TMPRSS6: variants seen among roughly 807,000 people sequenced by gnomAD.
The protein encoded by TMPRSS6 is transmembrane protease serine 6.
In TMPRSS6, 67 loss-of-function variants were observed where a neutral mutation model predicts 101.5. The observed-to-expected ratio is 0.66, with a 90% CI of 0.54 to 0.81. The LOEUF is 0.81. TMPRSS6 is among the 30% of genes least tolerant of loss of function. TMPRSS6 has a pLI of 0.00. For synonymous variants in TMPRSS6, 453 were observed against 464.9 expected (o/e 0.97, Z 0.33); for missense variants, 1,034 against 1,088.7 (o/e 0.95, Z 0.71).
intron 10 of TMPRSS6, among the ~76,000 whole-genome samples, chr22:37,079,507 G>A (rs146345308): frequency 2.0e-5 from 3 of 152,286 alleles, no homozygotes; most frequent in South Asian, 2.1e-4. Flanking sequence ...GCACACCCCC[G>A]TGCCCTTACC....
At chr22:37,071,981 GATGGATGGATGATGGATGGGTGC>G (rs1926968832) in intron 13 of TMPRSS6, among the ~76,000 whole-genome samples, 5 of 150,972 alleles carry the variant, frequency 3.3e-5, no homozygotes, top group Admixed American at 3.3e-4. Flanking sequence ...TGGATGGATG[GATGGATGGATGATGGATGGGTGC>G]ATGGATGGAT....
chr22:37,079,296 T>C (rs1274978365), intron 10 of TMPRSS6, among the ~76,000 whole-genome samples: 1 of 152,234 alleles, frequency 6.6e-6, no homozygotes, highest in Non-Finnish European at 1.5e-5. Flanking sequence ...GGCACATTTT[T>C]GCACCGTGTG....
At chr22:37,094,527 CAG>C (rs1248473016) in intron 6 of TMPRSS6, among the ~76,000 whole-genome samples, 2 of 113,014 alleles carry the variant, frequency 1.8e-5, no homozygotes, top group East Asian at 4.4e-4. Flanking sequence ...GACAAGCAGA[CAG>C]ATATCAACAG....
chr22:37,108,646 A>T (rs115306234), intron 1 of TMPRSS6, among the ~76,000 whole-genome samples: 2,213 of 152,230 alleles, frequency 0.015, 36 homozygotes, highest in African/African-American at 0.045. Context: ...AACTCCTACC[A>T]TGTGCCAGCC....
At position 37,100,218 on chromosome 22, in the gene TMPRSS6, C is replaced by T. The variant is rs191005943; in HGVS notation, c.203-1669G>A. ...CTGACCTCAGGTGATCCATCTGCCT[C>T]GGCCTCCCAAAGTGCTGGGATTACG... On this transcript the variant is annotated intron_variant, in intron 2 of 17. Coordinates refer to ENST00000676104, the MANE Select transcript of TMPRSS6 (RefSeq NM_001374504.1). Among the ~76,000 whole-genome samples the T allele has an allele frequency of 3.9e-5, 6 of 152,392 alleles. No individual in the cohort carries two copies. In the East Asian group the frequency reaches 9.6e-4, roughly 24 times the overall value.
chr22:37,107,270 C>T (rs546176745), intron 1 of TMPRSS6, among the ~76,000 whole-genome samples: 28 of 152,208 alleles, frequency 1.8e-4, no homozygotes, highest in South Asian at 1.0e-3. Flanking sequence ...TCTGTGGTGG[C>T]GACAGGGTGG....
Position 37,101,986 on chromosome 22 carries a change from C to G in TMPRSS6, c.202+1230G>C, listed in dbSNP as rs17750152. Among the ~76,000 whole-genome samples, 2 of 152,034 alleles carry G rather than the reference C, an allele frequency of 1.3e-5. No homozygotes were observed. Among genetic ancestry groups the G allele is most frequent in the Non-Finnish European group, 1.5e-5 (1 of 67,996 alleles). ...ATCACTATAAGTCATTGCAAGCAGG[C>G]CCGTGTCAGACCTGGGGTTCCCAAT... is the stretch of plus-strand genomic sequence containing the variant. On this transcript the variant is annotated intron_variant, in intron 2 of 17. Coordinates refer to ENST00000676104, the MANE Select transcript of TMPRSS6 (RefSeq NM_001374504.1). This position sits in a 1 kb window ranked among gnomAD's most constrained non-coding sequence, Gnocchi z 4.1.
chr22:37,074,825 C>T, intron 11 of TMPRSS6, 117 bp from the exon 12 acceptor site: 1 of 1,098,720 alleles, frequency 9.1e-7, no homozygotes, highest in South Asian at 1.3e-5. Context: ...GGACAGGCAC[C>T]CACAGACGTG....
chr22:37,074,425 G>A (rs747727152), intron 12 of TMPRSS6, among the ~76,000 whole-genome samples, 185 bp downstream of exon 12: 1 of 152,182 alleles, frequency 6.6e-6, no homozygotes, highest in Admixed American at 6.5e-5. Context: ...AGGTGGTCTC[G>A]GGGAGGCTGC....
At chr22:37,071,879 T>C (rs907744640) in intron 13 of TMPRSS6, among the ~76,000 whole-genome samples, 3 of 151,934 alleles carry the variant, frequency 2.0e-5, no homozygotes, top group African/African-American at 7.3e-5. Flanking sequence ...GCTAGGGAGA[T>C]CAGTGGATGG....
chr22:37,089,571 G>C lies in TMPRSS6; in HGVS notation c.836+7C>G. Reference sequence around the variant, plus strand: ...CCTCCCTCCTGCCCTCCTTCCCAGGGACTCACGAGGTGATGAGCCTCTTCT... The same window carrying C: ...CCTCCCTCCTGCCCTCCTTCCCAGGCACTCACGAGGTGATGAGCCTCTTCT... On this transcript the variant is annotated splice_region_variant and intron_variant, in intron 7 of 17. Transcript: ENST00000676104. 1.2e-6 allele frequency: 2 copies of C among 1,603,410 alleles called. No individual in the cohort carries two copies. Among genetic ancestry groups the C allele is most frequent in the Non-Finnish European group, 1.7e-6 (2 of 1,175,014 alleles).
chr22:37,078,649 A>G (rs1170132987), intron 10 of TMPRSS6, among the ~76,000 whole-genome samples: 8 of 152,004 alleles, frequency 5.3e-5, no homozygotes, highest in African/African-American at 9.7e-5. Flanking sequence ...CTAATTTCAC[A>G]TAATAATCCA....
At chr22:37,090,785 G>A (rs1023648220) in intron 6 of TMPRSS6, among the ~76,000 whole-genome samples, 1 of 152,184 alleles carries the variant, frequency 6.6e-6, no homozygotes, top group Non-Finnish European at 1.5e-5. Flanking sequence ...GATGATACAC[G>A]TTTGAATGCC....
intron 10 of TMPRSS6, among the ~76,000 whole-genome samples, chr22:37,076,424 G>A (rs537335887): frequency 4.6e-5 from 7 of 152,234 alleles, no homozygotes; most frequent in Admixed American, 1.3e-4. Flanking sequence ...GGACAACACC[G>A]CCCCTGCACC....
chr22:37,086,154 G>T, intron 8 of TMPRSS6, 129 bp downstream of exon 8: 1 of 1,288,902 alleles, frequency 7.8e-7, no homozygotes, highest in Non-Finnish European at 1.1e-6. Flanking sequence ...AGCAGCAGGA[G>T]CTTCCAGAAT....
chr22:37,071,130 GC>G, intron 13 of TMPRSS6, 98 bp from the exon 14 acceptor site: 2 of 1,075,200 alleles, frequency 1.9e-6, no homozygotes, highest in South Asian at 1.3e-5. Context: ...AGCCAGAAGA[GC>G]CAGGAGGTGA....
chr22:37,107,435 T>C (rs928389807), intron 1 of TMPRSS6, among the ~76,000 whole-genome samples: 1 of 151,982 alleles, frequency 6.6e-6, no homozygotes, highest in African/African-American at 2.4e-5. Context: ...CCAGCACCTT[T>C]GGAAAAGCCT....
chr22:37,068,195 C>G (rs1192014553), intron 16 of TMPRSS6, among the ~76,000 whole-genome samples: 1 of 152,130 alleles, frequency 6.6e-6, no homozygotes, highest in Non-Finnish European at 1.5e-5. Context: ...AACCCCACGC[C>G]TGGTACGTAC....
At position 37,069,140 on chromosome 22, in the gene TMPRSS6, C is replaced by A. The variant is rs1159193283; in HGVS notation, c.2046G>T (p.Ala682=). The change falls in exon 16 of 18, where the codon GCG becomes GCT. Residue 682 remains alanine, a synonymous_variant. Transcript: ENST00000676104. The surrounding 1 kb of genome is among the most constrained non-coding windows in gnomAD (Gnocchi z 4.8). ...GGCCGGGCTCGAAGAAGTGGGAGCG[C>A]GCGGGCAGGCAGACGGGGCGCACGG... is the stretch of plus-strand genomic sequence containing the variant. ...SAAVRPVCLP[A]RSHFFEPGLH... 4 of 1,570,604 alleles carry A rather than the reference C, an allele frequency of 2.5e-6. No individual in the cohort carries two copies. Among genetic ancestry groups the A allele is most frequent in the Admixed American group, 1.8e-5 (1 of 54,280 alleles).
Sources: allele counts gnomAD v4.1 joint callset (sites outside exome capture counted in the v4.1 genomes callset), GRCh38; gene constraint gnomAD v4.1.1; non-coding constraint Gnocchi (gnomAD v3.1); transcripts MANE v1.5; gene names NCBI Gene and HGNC (gene_info 2026-07-23, HGNC 2026-07-21).